ATRNL1: variants seen among roughly 807,000 people sequenced by gnomAD.
The protein encoded by ATRNL1 is attractin like 1.
A neutral mutation model predicts 182.7 loss-of-function variants in ATRNL1; 95 were observed. The observed-to-expected ratio is 0.52, with a 90% CI of 0.44 to 0.62. The LOEUF is 0.62. Ranked by LOEUF, ATRNL1 falls within the 20% of genes least tolerant of loss-of-function variation. ATRNL1 has a pLI of 0.00. For missense variants in ATRNL1, 1,471 were observed against 1,679.5 expected (o/e 0.88, Z 2.17); for synonymous variants, 576 against 568.3 (o/e 1.01, Z -0.19).
intron 19 of ATRNL1, among the ~76,000 whole-genome samples, chr10:115,380,749 A>G (rs1206598907): frequency 2.0e-5 from 3 of 152,174 alleles, no homozygotes; most frequent in African/African-American, 4.8e-5. Flanking sequence ...ATAATATCCA[A>G]TTCAAATATG....
intron 10 of ATRNL1, among the ~76,000 whole-genome samples, chr10:115,244,031 A>C (rs1850527534): frequency 6.6e-6 from 1 of 152,136 alleles, no homozygotes; most frequent in Non-Finnish European, 1.5e-5. Flanking sequence ...GTCTTTCAAA[A>C]TAATTGTTTT....
At chr10:115,533,610 C>T (rs1394029929) in intron 25 of ATRNL1, among the ~76,000 whole-genome samples, 2 of 151,940 alleles carry the variant, frequency 1.3e-5, no homozygotes, top group African/African-American at 4.8e-5. Context: ...TCCTTCAGTT[C>T]TGCTTTGATT....
chr10:115,344,989 C>G (rs1855912407), intron 19 of ATRNL1, among the ~76,000 whole-genome samples: 2 of 152,208 alleles, frequency 1.3e-5, no homozygotes, highest in Admixed American at 1.3e-4. Context: ...ACAAAGTCCT[C>G]TCCACTTTTC....
At chr10:115,640,739 A>C (rs1859189124) in intron 26 of ATRNL1, among the ~76,000 whole-genome samples, 1 of 152,052 alleles carries the variant, frequency 6.6e-6, no homozygotes, top group South Asian at 2.1e-4. Flanking sequence ...TTCGCTGATG[A>C]TAATTTCTTT....
At chr10:115,561,302 G>C (rs1231567015) in intron 26 of ATRNL1, among the ~76,000 whole-genome samples, 6 of 151,998 alleles carry the variant, frequency 3.9e-5, no homozygotes, top group Non-Finnish European at 1.5e-5. Flanking sequence ...TAATCAAAAG[G>C]CAAATTACCC....
At chr10:115,844,765 A>C (rs1589594823) in intron 27 of ATRNL1, among the ~76,000 whole-genome samples, 1 of 152,024 alleles carries the variant, frequency 6.6e-6, no homozygotes, top group East Asian at 1.9e-4. Flanking sequence ...CTAGAAGTAA[A>C]TCACAGTTGC....
chr10:115,150,239 T>TG (rs1207293698), intron 5 of ATRNL1, among the ~76,000 whole-genome samples: 1 of 152,068 alleles, frequency 6.6e-6, no homozygotes, highest in African/African-American at 2.4e-5. Context: ...CTAATTTTTT[T>TG]TTGTTGTTGT....
chr10:115,454,962 C>G (rs553224611), intron 21 of ATRNL1, among the ~76,000 whole-genome samples: 1 of 152,198 alleles, frequency 6.6e-6, no homozygotes, highest in South Asian at 2.1e-4. Flanking sequence ...AGTGGACATC[C>G]CTTCCTTGTT....
At chr10:115,445,505 CCGTGTGTGTG>C (rs1384035573) in intron 21 of ATRNL1, among the ~76,000 whole-genome samples, 5 of 85,654 alleles carry the variant, frequency 5.8e-5, no homozygotes, top group African/African-American at 2.9e-4. Context: ...ACTCATTTGT[CCGTGTGTGTG>C]TGTGTGTGTG....
intron 27 of ATRNL1, among the ~76,000 whole-genome samples, chr10:115,749,754 G>A (rs1219788424): frequency 6.6e-6 from 1 of 151,696 alleles, no homozygotes; most frequent in Non-Finnish European, 1.5e-5. Context: ...ATCTAAAAAG[G>A]GATGAAATCA....
At chr10:115,889,522 G>A (rs1489603123) in intron 28 of ATRNL1, among the ~76,000 whole-genome samples, 1 of 152,112 alleles carries the variant, frequency 6.6e-6, no homozygotes, top group Non-Finnish European at 1.5e-5. Flanking sequence ...TAATAGCTTG[G>A]CTTCCTATAT....
chr10:115,869,957 C>A (rs1041274119), intron 28 of ATRNL1, among the ~76,000 whole-genome samples: 117 of 110,848 alleles, frequency 1.1e-3, no homozygotes, highest in Admixed American at 3.3e-3. Context: ...TTATGTTGTT[C>A]CCAGACCTTT....
chr10:115,849,908 A>G (rs564382809), intron 28 of ATRNL1, among the ~76,000 whole-genome samples: 48 of 152,306 alleles, frequency 3.2e-4, no homozygotes, highest in African/African-American at 1.1e-3. Flanking sequence ...TTGGATGAAT[A>G]CTGAAAATGT....
chr10:115,379,423 T>C (rs1554950450), intron 19 of ATRNL1, among the ~76,000 whole-genome samples: 2 of 152,220 alleles, frequency 1.3e-5, no homozygotes, highest in African/African-American at 4.8e-5. Flanking sequence ...AGTTAGCGTC[T>C]TAGAAATTAT....
intron 26 of ATRNL1, among the ~76,000 whole-genome samples, chr10:115,621,853 CAA>C (rs1274171097): frequency 6.6e-6 from 1 of 152,060 alleles, no homozygotes; most frequent in Non-Finnish European, 1.5e-5. Flanking sequence ...GTTAAAAATG[CAA>C]AAAGTCTTTT....
intron 26 of ATRNL1, among the ~76,000 whole-genome samples, chr10:115,716,451 CT>C (rs1555056350): frequency 5.9e-5 from 9 of 152,150 alleles, no homozygotes; most frequent in Non-Finnish European, 1.3e-4. Flanking sequence ...TCATAAACTA[CT>C]TAAATGTTCA....
At chr10:115,167,429 C>A (rs1356242668) in intron 7 of ATRNL1, among the ~76,000 whole-genome samples, 1 of 151,988 alleles carries the variant, frequency 6.6e-6, no homozygotes, top group Non-Finnish European at 1.5e-5. Context: ...TCTTCTATTT[C>A]TGCAAAAATG....
At chr10:115,720,687 A>C (rs1259156881) in intron 26 of ATRNL1, among the ~76,000 whole-genome samples, 1 of 152,210 alleles carries the variant, frequency 6.6e-6, no homozygotes, top group Non-Finnish European at 1.5e-5. Context: ...ATATACACCA[A>C]AGTTTACAGA....
chr10:115,293,337 T>TTCA (rs2133956722), intron 15 of ATRNL1, among the ~76,000 whole-genome samples: 1 of 152,276 alleles, frequency 6.6e-6, no homozygotes, highest in East Asian at 1.9e-4. Flanking sequence ...AGTAAGGGAA[T>TTCA]TCATTTACTT....
Sources: gnomAD v4.1 joint callset for allele counts (sites outside exome capture counted in the v4.1 genomes callset) on GRCh38, gnomAD v4.1.1 for gene constraint, MANE v1.5 for transcripts, NCBI Gene and HGNC (gene_info 2026-07-23, HGNC 2026-07-21) for gene names.